RAB17: variants seen among roughly 807,000 people sequenced by gnomAD.
The protein encoded by RAB17 is ras-related protein Rab-17.
RAB17 carries 15 observed loss-of-function variants against 19.3 expected under a neutral mutation model. That is an observed-to-expected ratio of 0.78 (90% CI 0.52 to 1.20). The LOEUF is 1.20. Among genes scored for constraint, RAB17 ranks in the 50% most tolerant of loss-of-function variants. The probability of loss-of-function intolerance (pLI) is 0.00; values close to 1 mark genes in which losing one functional copy is unlikely to be tolerated. For missense variants in RAB17, 262 were observed against 269.3 expected, an observed-to-expected ratio of 0.97 and a Z score of 0.19; for synonymous variants, 110 against 112.8, an observed-to-expected ratio of 0.97 and a Z score of 0.16.
At chr2:237,588,972 C>T (rs2081371446) in intron 1 of RAB17, among the ~76,000 whole-genome samples, 1 of 151,876 alleles carries the variant, frequency 6.6e-6, no homozygotes, top group Non-Finnish European at 1.5e-5. Context: ...CCTGTAAAGG[C>T]ACTTTGAGAA....
At chr2:237,584,998 C>T (rs2081338459) in intron 2 of RAB17, among the ~76,000 whole-genome samples, 1 of 152,222 alleles carries the variant, frequency 6.6e-6, no homozygotes, top group African/African-American at 2.4e-5. Flanking sequence ...CAGGCAGACC[C>T]CTGCCAATTC....
chr2:237,580,297 C>T (rs936345343), intron 2 of RAB17, among the ~76,000 whole-genome samples: 1 of 152,236 alleles, frequency 6.6e-6, no homozygotes. Context: ...CCACATCTTT[C>T]TGTTTCCCAT....
At chr2:237,576,068 C>T (rs2081260204) in intron 4 of RAB17, among the ~76,000 whole-genome samples, 1 of 152,186 alleles carries the variant, frequency 6.6e-6, no homozygotes, top group Admixed American at 6.5e-5. Flanking sequence ...CTCCCCTGGC[C>T]TCCGGGACTC....
intron 2 of RAB17, among the ~76,000 whole-genome samples, chr2:237,580,545 C>T (rs773091902): frequency 5.9e-5 from 9 of 151,952 alleles, no homozygotes; most frequent in Middle Eastern, 3.2e-3. Context: ...TCAAGACCAG[C>T]CTGACCAACA....
intron 2 of RAB17, among the ~76,000 whole-genome samples, chr2:237,584,621 C>T (rs1468927121): frequency 6.6e-6 from 1 of 152,164 alleles, no homozygotes; most frequent in East Asian, 1.9e-4. Context: ...ACCTCCGTGT[C>T]AGAGTGAGAT....
In RAB17 at chr2:237,578,073, G is replaced by T; in HGVS notation, c.240C>A (p.Tyr80Ter). The change falls in exon 3 of 6, where the codon TAC becomes TAA. Residue 80 changes from tyrosine (Y) to a stop codon, truncating the protein, a stop_gained. Transcript: ENST00000264601. LOFTEE classifies it high-confidence loss of function. ...TGAAGTAGAGGTGGCAGACGCTGTG[G>T]TACTTCTCCTGGCCAGCTGTGTCCC... is the stretch of plus-strand genomic sequence containing the variant. Reference protein sequence around the residue: ...EIWDTAGQEKYHSVCHLYFRG... With the variant: ...EIWDTAGQEK The T allele has an allele frequency of 1.2e-6, 2 of 1,613,908 alleles. No individual in the cohort carries two copies. Among genetic ancestry groups the T allele is most frequent in the Non-Finnish European group, 1.7e-6 (2 of 1,179,784 alleles).
intron 1 of RAB17, among the ~76,000 whole-genome samples, chr2:237,589,782 A>G (rs1473079625): frequency 6.6e-6 from 1 of 152,158 alleles, no homozygotes; most frequent in African/African-American, 2.4e-5. Flanking sequence ...TTCTCTAGTA[A>G]TCTTAACTTG....
chr2:237,574,777 G>A lies in RAB17; in HGVS notation c.*242C>T, dbSNP rs1018329612. 22 of 1,114,938 alleles carry A rather than the reference G, an allele frequency of 2.0e-5. No individual in the cohort carries two copies. The highest frequency in any genetic ancestry group is 6.4e-5 in the African/African-American group (4 of 62,940). The allele number at this position is 1,114,938 out of a possible 1,614,324, so 69.1% of individuals were successfully genotyped here. ...TCCAGGTGGAACAGGCACAGGCATC[G>A]GGGAATCAGATGGTATCAGTGGGGA... On this transcript the variant is annotated 3_prime_UTR_variant, in exon 6 of 6. Coordinates refer to ENST00000264601, the MANE Select transcript of RAB17 (RefSeq NM_022449.4).
Position 237,577,997 on chromosome 2 carries a change from G to T in RAB17, c.309+7C>A. 5 of 1,595,654 alleles carry T rather than the reference G, an allele frequency of 3.1e-6. No individual in the cohort carries two copies. The highest frequency in any genetic ancestry group is 3.4e-6 in the Non-Finnish European group (4 of 1,165,718). The stretch of plus-strand genomic sequence containing the variant: ...GAGGGTGGGACGTGCCTCAAGGCGG[G>T]CCCTACCTTCCTGGTGATGTCGTAC... On this transcript the variant is annotated splice_region_variant and intron_variant, in intron 3 of 5. Coordinates refer to ENST00000264601, the MANE Select transcript of RAB17 (RefSeq NM_022449.4).
chr2:237,579,654 G>C (rs2081293417), intron 2 of RAB17: 1 of 152,120 alleles, frequency 6.6e-6, no homozygotes, highest in Non-Finnish European at 1.5e-5. Context: ...TCCAAATAAG[G>C]TCGCACTCAC....
rs145915197 is a variant in RAB17, at chr2:237,580,655, C to T, written c.158-2500G>A. On this transcript the variant is annotated intron_variant, in intron 2 of 5. Coordinates refer to ENST00000264601, the MANE Select transcript of RAB17 (RefSeq NM_022449.4). ...TCGGGAGGCCGAAGCAGGAGAATCG[C>T]TTGAACCCAGGAGGTGGAGGTTGCA... is the stretch of plus-strand genomic sequence containing the variant. Among the ~76,000 whole-genome samples, 345 of 152,130 alleles carry T rather than the reference C, an allele frequency of 2.3e-3. 1 individual carries two copies. The highest frequency in any genetic ancestry group is 7.9e-3 in the African/African-American group (326 of 41,498).
In RAB17 at chr2:237,574,421, C is replaced by T. The variant is rs1417523169; in HGVS notation, c.*598G>A. 1.1e-5 allele frequency: 17 copies of T among 1,547,488 alleles called. No individual in the cohort carries two copies. The highest frequency in any genetic ancestry group is 1.5e-5 in the Non-Finnish European group (17 of 1,145,042). ...TCTCAGAATCTTCCTGCTCATTGGACAGAAACTCAGCTTCACCACATTGCC... is the reference window on the plus strand; with the variant it reads ...TCTCAGAATCTTCCTGCTCATTGGATAGAAACTCAGCTTCACCACATTGCC... On this transcript the variant is annotated 3_prime_UTR_variant, in exon 6 of 6. Coordinates refer to ENST00000264601, the MANE Select transcript of RAB17 (RefSeq NM_022449.4).
At chr2:237,585,875 G>A in intron 2 of RAB17, 123 bp downstream of exon 2, 1 of 1,032,412 alleles carries the variant, frequency 9.7e-7, no homozygotes, top group Non-Finnish European at 1.4e-6. Context: ...CTGGACACAG[G>A]CAGCTCAAGG....
Position 237,586,091 on chromosome 2 carries a change from G to T in RAB17, c.64C>A (p.Leu22Met). Residue 22 changes from leucine to methionine, a missense_variant, in exon 2 of 6, where the codon CTG (leucine) becomes ATG (methionine). By Grantham distance (15) the Leu-to-Met change is conservative. Coordinates refer to ENST00000264601, the MANE Select transcript of RAB17 (RefSeq NM_022449.4). Reference sequence around the variant, plus strand: ...ACGGAGCCACTTCCCAGGAGAACCAGCTTGAACACACGGGGCTGGCTGGGG... The same window carrying T: ...ACGGAGCCACTTCCCAGGAGAACCATCTTGAACACACGGGGCTGGCTGGGG... ...AAPSQPRVFK[L>M]VLLGSGSVGK... The T allele has an allele frequency of 6.2e-7, 1 of 1,613,624 alleles. No homozygotes were observed.
intron 2 of RAB17, among the ~76,000 whole-genome samples, chr2:237,580,000 G>C (rs888419351): frequency 6.6e-6 from 1 of 152,176 alleles, no homozygotes; most frequent in Non-Finnish European, 1.5e-5. Flanking sequence ...GACTGAACCG[G>C]CTATAAACCT....
chr2:237,587,922 T>C (rs181920302), intron 1 of RAB17, among the ~76,000 whole-genome samples: 2 of 152,180 alleles, frequency 1.3e-5, no homozygotes, highest in East Asian at 3.9e-4. Flanking sequence ...TAGGAATCAC[T>C]GCTAGAATTC....
chr2:237,580,295 T>G (rs796638267), intron 2 of RAB17, among the ~76,000 whole-genome samples: 41 of 152,366 alleles, frequency 2.7e-4, no homozygotes, highest in African/African-American at 9.6e-4. Context: ...ATCCACATCT[T>G]TCTGTTTCCC....
At position 237,574,905 on chromosome 2, in the gene RAB17, G is replaced by A. The variant is rs1248973586; in HGVS notation, c.*114C>T. On this transcript the variant is annotated 3_prime_UTR_variant, in exon 6 of 6. Coordinates refer to ENST00000264601, the MANE Select transcript of RAB17 (RefSeq NM_022449.4). ...TTTCATAAAGGGGGCCAACTTCCAG[G>A]AACATCTAGGGCTCGGGAGCAACCC... is the stretch of plus-strand genomic sequence containing the variant. 1.1e-6 allele frequency: 1 copy of A among 905,310 alleles called. No homozygotes were observed. Among genetic ancestry groups the A allele is most frequent in the African/African-American group, 1.7e-5 (1 of 57,706 alleles). 56.1% of individuals were successfully genotyped at this position (905,310 alleles called of 1,614,324 possible).
chr2:237,577,158 G>T, intron 4 of RAB17, 99 bp downstream of exon 4: 1 of 1,414,146 alleles, frequency 7.1e-7, no homozygotes, highest in Non-Finnish European at 9.6e-7. Flanking sequence ...TGCGTGTGTG[G>T]GTGTGCGTGT....
Sources: allele counts gnomAD v4.1 joint callset (sites outside exome capture counted in the v4.1 genomes callset), GRCh38; gene constraint gnomAD v4.1.1; transcripts MANE v1.5; gene names NCBI Gene and HGNC (gene_info 2026-07-23, HGNC 2026-07-21).